MECOM: variants seen among roughly 807,000 people sequenced by gnomAD.
The protein encoded by MECOM is MDS1 and EVI1 complex locus.
A neutral mutation model predicts 116.3 loss-of-function variants in MECOM; 13 were observed. That is an observed-to-expected ratio of 0.11 (90% CI 0.07 to 0.18). The LOEUF is 0.18. Among genes scored for constraint, MECOM ranks in the 10% least tolerant of loss-of-function variants. The pLI is 1.00. For missense variants in MECOM, 1,299 were observed against 1,509.0 expected, an observed-to-expected ratio of 0.86 and a Z score of 2.31; for synonymous variants, 528 against 535.2, an observed-to-expected ratio of 0.99 and a Z score of 0.19.
chr3:169,084,621 C>G lies in MECOM; in HGVS notation c.*288G>C. Reference sequence around the variant, plus strand: ...CTAAGGTGGGGTAAACTGGAAGATGCCTTCAGCCCACCAAGTTTTTTGTTT... The same window carrying G: ...CTAAGGTGGGGTAAACTGGAAGATGGCTTCAGCCCACCAAGTTTTTTGTTT... On this transcript the variant is annotated 3_prime_UTR_variant, in exon 17 of 17. Transcript: ENST00000651503. The G allele has an allele frequency of 2.9e-6, 1 of 339,232 alleles. No individual in the cohort carries two copies. Among genetic ancestry groups the G allele is most frequent in the Non-Finnish European group, 5.4e-6 (1 of 184,654 alleles). 21.0% of individuals were successfully genotyped at this position (339,232 alleles called of 1,614,324 possible).
chr3:169,091,411 G>A (rs1719676941), intron 14 of MECOM, among the ~76,000 whole-genome samples: 1 of 152,086 alleles, frequency 6.6e-6, no homozygotes, highest in Non-Finnish European at 1.5e-5. Flanking sequence ...GCTGAAGCCA[G>A]ATGTTGCAAC....
chr3:169,326,913 T>C (rs1482386144), intron 2 of MECOM, among the ~76,000 whole-genome samples: 1 of 152,202 alleles, frequency 6.6e-6, no homozygotes, highest in Non-Finnish European at 1.5e-5. Flanking sequence ...ATATTTTATC[T>C]CCTTCTAATT....
intron 1 of MECOM, among the ~76,000 whole-genome samples, chr3:169,436,862 A>T (rs1376279489): frequency 6.6e-6 from 1 of 152,152 alleles, no homozygotes; most frequent in Non-Finnish European, 1.5e-5. Context: ...TTGACTAAAG[A>T]GTCCAAGTCA....
intron 1 of MECOM, among the ~76,000 whole-genome samples, chr3:169,483,403 A>G (rs548563463): frequency 1.4e-4 from 20 of 145,422 alleles, no homozygotes; most frequent in Non-Finnish European, 2.6e-4. Flanking sequence ...CCACACCTCC[A>G]CACCCGCATC....
At chr3:169,245,019 C>T (rs956194515) in intron 2 of MECOM, among the ~76,000 whole-genome samples, 2 of 152,150 alleles carry the variant, frequency 1.3e-5, no homozygotes, top group South Asian at 4.2e-4. Context: ...GATATAGTAA[C>T]CAGGCCAAGC....
In MECOM at chr3:169,412,525, C is replaced by T. The variant is rs151031964; in HGVS notation, c.38-31001G>A. On this transcript the variant is annotated intron_variant, in intron 1 of 16. Transcript: ENST00000651503. ...ACCAGACAAATGCTCCTGAAAGCTA[C>T]GATCTATTGATTTTCATAGAAGGAT... is the stretch of plus-strand genomic sequence containing the variant. Among the ~76,000 whole-genome samples the T allele has an allele frequency of 7.1e-3, 1,086 of 152,010 alleles. 10 individuals are homozygous for T. Among genetic ancestry groups the T allele is most frequent in the African/African-American group, 0.025 (1,029 of 41,470 alleles).
At chr3:169,214,109 G>A (rs1751121229) in intron 2 of MECOM, among the ~76,000 whole-genome samples, 1 of 152,056 alleles carries the variant, frequency 6.6e-6, no homozygotes, top group Non-Finnish European at 1.5e-5. Context: ...TCTTTCAATT[G>A]CTAAAGCATT....
chr3:169,159,969 C>G (rs1333139987), intron 2 of MECOM, among the ~76,000 whole-genome samples: 2 of 152,182 alleles, frequency 1.3e-5, no homozygotes, highest in African/African-American at 4.8e-5. Flanking sequence ...ACCTAATAAG[C>G]ATGAGCTATT....
Position 169,395,539 on chromosome 3 carries a change from AGATT to A in MECOM, c.38-14019_38-14016del, listed in dbSNP as rs1055088727. 4.3e-4 allele frequency among the ~76,000 whole-genome samples: 66 copies of A among 152,334 alleles called. 1 individual carries two copies. The highest frequency in any genetic ancestry group is 1.5e-3 in the African/African-American group (62 of 41,584). On this transcript the variant is annotated intron_variant, in intron 1 of 16. Transcript: ENST00000651503. Reference sequence around the variant, plus strand: ...CACTCCAAATGCTCAAGATACTGATAGATTAACAACCAAACACAGTCAATTCAGA... The same window carrying A: ...CACTCCAAATGCTCAAGATACTGATAAACAACCAAACACAGTCAATTCAGA...
rs529199793 is a variant in MECOM, at chr3:169,226,087, G to A, written c.376-82255C>T. On this transcript the variant is annotated intron_variant, in intron 2 of 16. Coordinates refer to ENST00000651503, the MANE Select transcript of MECOM (RefSeq NM_004991.4). ...AACTTAACAAATAATTTCTGAGCAC[G>A]TCCCCATCTTGCCTAACCTAGATGG... is the stretch of plus-strand genomic sequence containing the variant. 7.2e-5 allele frequency among the ~76,000 whole-genome samples: 11 copies of A among 152,218 alleles called. No homozygotes were observed. In the South Asian group the frequency reaches 2.1e-3, roughly 29 times the overall value.
At chr3:169,248,407 A>G (rs1755848653) in intron 2 of MECOM, among the ~76,000 whole-genome samples, 1 of 152,194 alleles carries the variant, frequency 6.6e-6, no homozygotes, top group Non-Finnish European at 1.5e-5. Context: ...AAAACTGCTA[A>G]ATCTACCTCT....
chr3:169,526,221 G>A (rs1461353308), intron 1 of MECOM, among the ~76,000 whole-genome samples: 1 of 152,058 alleles, frequency 6.6e-6, no homozygotes, highest in African/African-American at 2.4e-5. Context: ...GGCCGTCGGA[G>A]AGCCTTTTTC....
intron 3 of MECOM, among the ~76,000 whole-genome samples, chr3:169,142,669 C>CT: frequency 2.6e-5 from 4 of 152,074 alleles, no homozygotes; most frequent in African/African-American, 9.6e-5. Context: ...CTACCTCTTA[C>CT]ACCGTTTAGT....
intron 2 of MECOM, among the ~76,000 whole-genome samples, chr3:169,194,126 A>G (rs1211186146): frequency 6.6e-6 from 1 of 152,036 alleles, no homozygotes; most frequent in Non-Finnish European, 1.5e-5. Context: ...ACCTTTCAAG[A>G]TGAATAAGCA....
At chr3:169,117,779 C>G (rs1205389477) in intron 7 of MECOM, among the ~76,000 whole-genome samples, 1 of 152,154 alleles carries the variant, frequency 6.6e-6, no homozygotes, top group Non-Finnish European at 1.5e-5. Context: ...ATTTTAAGAC[C>G]AAACTTTGTA....
At chr3:169,332,634 T>G (rs1437967989) in intron 2 of MECOM, among the ~76,000 whole-genome samples, 1 of 152,190 alleles carries the variant, frequency 6.6e-6, no homozygotes. Flanking sequence ...TACCCATATC[T>G]TACAGATGCA....
intron 1 of MECOM, among the ~76,000 whole-genome samples, chr3:169,621,651 G>A (rs983499734): frequency 1.4e-4 from 22 of 152,116 alleles, no homozygotes; most frequent in Admixed American, 9.2e-4. Context: ...CAACTACTCC[G>A]GAGGCTGAAG....
chr3:169,295,024 T>C (rs1442951535), intron 2 of MECOM, among the ~76,000 whole-genome samples: 1 of 151,526 alleles, frequency 6.6e-6, no homozygotes, highest in Non-Finnish European at 1.5e-5. Context: ...TTTCTTTATT[T>C]AAAAAAAAAT....
chr3:169,133,029 C>T (rs1735251528), intron 3 of MECOM, among the ~76,000 whole-genome samples: 1 of 151,886 alleles, frequency 6.6e-6, no homozygotes, highest in Non-Finnish European at 1.5e-5. Context: ...CCTAGGATTA[C>T]AAGTAAGCCA....
Sources: gnomAD v4.1 joint callset for allele counts (sites outside exome capture counted in the v4.1 genomes callset) on GRCh38, gnomAD v4.1.1 for gene constraint, MANE v1.5 for transcripts, NCBI Gene and HGNC (gene_info 2026-07-23, HGNC 2026-07-21) for gene names.